Variants in KIAA1671 observed in about 807,000 individuals in gnomAD.
KIAA1671 encodes uncharacterized protein KIAA1671.
A neutral mutation model predicts 131.2 loss-of-function variants in KIAA1671; 52 were observed. That is an observed-to-expected ratio of 0.40 (90% CI 0.32 to 0.50). KIAA1671 has a LOEUF of 0.50. Ranked by LOEUF, KIAA1671 falls within the 20% of genes least tolerant of loss-of-function variation. The probability of loss-of-function intolerance (pLI) is 0.73; values close to 1 mark genes in which losing one functional copy is unlikely to be tolerated. For synonymous variants in KIAA1671, 1,003 were observed against 961.6 expected, an observed-to-expected ratio of 1.04 and a Z score of -0.80; for missense variants, 2,360 against 2,364.2, an observed-to-expected ratio of 1.00 and a Z score of 0.04.
chr22:25,029,664 G>A (rs1926167622), intron 3 of KIAA1671, 124 bp downstream of exon 3: 2 of 698,722 alleles, frequency 2.9e-6, no homozygotes, highest in South Asian at 4.1e-5. Flanking sequence ...CCAAGAGGAG[G>A]TAGTGGCAGT....
At chr22:25,032,718 C>T (rs879027534) in intron 4 of KIAA1671, 22 bp downstream of exon 4, 30 of 1,475,630 alleles carry the variant, frequency 2.0e-5, no homozygotes, top group Middle Eastern at 1.7e-4. Context: ...CTGTGTAGCA[C>T]GTCTCTCATT....
At chr22:25,095,888 C>CAAGATAA (rs1930370728) in intron 6 of KIAA1671, among the ~76,000 whole-genome samples, 1 of 152,170 alleles carries the variant, frequency 6.6e-6, no homozygotes, top group African/African-American at 2.4e-5. Context: ...CTTCTGTAGC[C>CAAGATAA]AAGATAAAAA....
At chr22:25,063,448 G>A (rs1928287588) in intron 6 of KIAA1671, 1 of 152,162 alleles carries the variant, frequency 6.6e-6, no homozygotes, top group Non-Finnish European at 1.5e-5. Context: ...TCTGAGCGAA[G>A]TAACTCAGGA....
chr22:25,156,784 T>C (rs994174983), intron 6 of KIAA1671, among the ~76,000 whole-genome samples: 1 of 152,174 alleles, frequency 6.6e-6, no homozygotes, highest in Non-Finnish European at 1.5e-5. Context: ...CTTTGTGACA[T>C]TGGAATGTCA....
intron 6 of KIAA1671, among the ~76,000 whole-genome samples, chr22:25,135,094 C>T (rs1932614363): frequency 6.6e-6 from 1 of 152,184 alleles, no homozygotes; most frequent in Non-Finnish European, 1.5e-5. Context: ...ATCCCTGCCC[C>T]ATCTCATTTA....
chr22:25,028,797 A>G lies in KIAA1671; in HGVS notation c.798A>G (p.Lys266=). The G allele has an allele frequency of 6.4e-7, 1 of 1,551,256 alleles. No individual in the cohort carries two copies. Among genetic ancestry groups the G allele is most frequent in the South Asian group, 1.2e-5 (1 of 84,048 alleles). ...PGPGAAATVG[K]VPPTPPEKTW... Reference sequence around the variant, plus strand: ...CCGGCGCAGCGGCCACAGTGGGCAAAGTGCCACCCACCCCTCCCGAGAAGA... The same window carrying G: ...CCGGCGCAGCGGCCACAGTGGGCAAGGTGCCACCCACCCCTCCCGAGAAGA... Residue 266 remains lysine (K), a synonymous_variant, in exon 3 of 13, where the codon AAA becomes AAG. Coordinates refer to ENST00000358431, the MANE Select transcript of KIAA1671 (RefSeq NM_001145206.2).
intron 6 of KIAA1671, chr22:25,060,253 G>C (rs1180755711): frequency 6.6e-6 from 1 of 152,240 alleles, no homozygotes; most frequent in Non-Finnish European, 1.5e-5. Context: ...CATGGTCTTG[G>C]CTCACCGCAA....
intron 1 of KIAA1671, among the ~76,000 whole-genome samples, chr22:24,980,867 C>G (rs1431804872): frequency 6.6e-6 from 1 of 152,060 alleles, no homozygotes; most frequent in African/African-American, 2.4e-5. Flanking sequence ...CTGCCTCAGC[C>G]TCCTGAGTAG....
chr22:25,040,644 G>T lies in KIAA1671; in HGVS notation c.3514G>T (p.Asp1172Tyr). 1.9e-6 allele frequency: 3 copies of T among 1,551,998 alleles called. No individual in the cohort carries two copies. Among genetic ancestry groups the T allele is most frequent in the Non-Finnish European group, 2.6e-6 (3 of 1,147,068 alleles). ...CCCGACTCTGAGGAGTCGTCCAAAA[G>T]ATCTTCCTGTGAGAAGGAAGACTGA... is the stretch of plus-strand genomic sequence containing the variant. The part of the protein sequence containing the change: ...TTPTLRSRPK[D>Y]LPVRRKTDVI... Residue 1172 changes from aspartate to tyrosine, a missense_variant, in exon 5 of 13, where the codon GAT becomes TAT. By Grantham distance (160) the Asp-to-Tyr change is radical. Around this residue, in one of 3 missense-constraint regions of KIAA1671, gnomAD observed 1,161 missense variants for 1,204.7 expected, o/e 0.96. Transcript: ENST00000358431.
chr22:25,091,160 C>T (rs546100944), intron 6 of KIAA1671, among the ~76,000 whole-genome samples: 27 of 152,256 alleles, frequency 1.8e-4, no homozygotes, highest in Admixed American at 7.2e-4. Flanking sequence ...CATGTTCAAG[C>T]GATTCTCCTG....
chr22:24,969,356 A>G (rs1387137299), intron 1 of KIAA1671, among the ~76,000 whole-genome samples: 1 of 152,190 alleles, frequency 6.6e-6, no homozygotes. Context: ...TATCTTCTCA[A>G]ATACTTTAAA....
intron 1 of KIAA1671, among the ~76,000 whole-genome samples, chr22:24,994,092 A>G (rs1378201737): frequency 6.6e-6 from 1 of 152,030 alleles, no homozygotes; most frequent in Non-Finnish European, 1.5e-5. Flanking sequence ...CAGAAGAGAA[A>G]AAAAAAAATT....
At chr22:25,082,140 T>C (rs531280913) in intron 6 of KIAA1671, among the ~76,000 whole-genome samples, 2 of 152,176 alleles carry the variant, frequency 1.3e-5, no homozygotes, top group African/African-American at 2.4e-5. Flanking sequence ...AGTGGACATG[T>C]GGTTTCTGTG....
At position 25,068,773 on chromosome 22, in the gene KIAA1671, C is replaced by T. The variant is rs537678119; in HGVS notation, c.4530+19409C>T. Reference sequence around the variant, plus strand: ...ATTTAAGTGAGTTTCCTGTTAGATGCTCTGCCTGGTGTCCAGTGGTGAGGC... The same window carrying T: ...ATTTAAGTGAGTTTCCTGTTAGATGTTCTGCCTGGTGTCCAGTGGTGAGGC... On this transcript the variant is annotated intron_variant, in intron 6 of 12. Transcript: ENST00000358431. Among the ~76,000 whole-genome samples the T allele has an allele frequency of 6.6e-5, 10 of 152,300 alleles. No homozygotes were observed. The South Asian group carries it at 2.1e-3, about 32-fold the overall frequency.
At chr22:25,076,586 A>G (rs763049874) in intron 6 of KIAA1671, among the ~76,000 whole-genome samples, 18 of 152,138 alleles carry the variant, frequency 1.2e-4, no homozygotes, top group Non-Finnish European at 2.2e-4. Context: ...CTTTCAAACT[A>G]TTAGTAAGAA....
chr22:25,047,622 G>A (rs371581616), intron 5 of KIAA1671, among the ~76,000 whole-genome samples: 44 of 151,934 alleles, frequency 2.9e-4, no homozygotes, highest in African/African-American at 9.2e-4. Context: ...ACAGGCGCTC[G>A]CCACCATGCC....
chr22:25,165,335 A>G (rs1198392008), intron 6 of KIAA1671, among the ~76,000 whole-genome samples: 1 of 152,158 alleles, frequency 6.6e-6, no homozygotes, highest in Non-Finnish European at 1.5e-5. Flanking sequence ...AGCTCGTCCA[A>G]GGTCACATAG....
chr22:25,172,633 G>T (rs1338357726), intron 7 of KIAA1671, among the ~76,000 whole-genome samples: 3 of 152,226 alleles, frequency 2.0e-5, no homozygotes, highest in Non-Finnish European at 4.4e-5. Flanking sequence ...TGACCTGGAG[G>T]CTTTGCTAGG....
rs1278295605 is a variant in KIAA1671, at chr22:25,192,846, T to A, written c.*445T>A. ...GGGCAGGTCTTTTTTTGGAAGGACA[T>A]TTCCAAGGAAGATCAAACTGTTCAT... On this transcript the variant is annotated 3_prime_UTR_variant, in exon 13 of 13. Transcript: ENST00000358431. The A allele has an allele frequency of 1.3e-5, 2 of 152,094 alleles. No individual in the cohort carries two copies. Among genetic ancestry groups the A allele is most frequent in the Non-Finnish European group, 2.9e-5 (2 of 68,022 alleles). 9.4% of individuals were successfully genotyped at this position (152,094 alleles called of 1,614,324 possible). A position where few individuals can be genotyped will look rare whatever the true frequency, so the allele number is the denominator to read the frequency against.
Sources: allele counts gnomAD v4.1 joint callset (sites outside exome capture counted in the v4.1 genomes callset), GRCh38; gene constraint gnomAD v4.1.1; regional missense constraint gnomAD v4.1.1; transcripts MANE v1.5; gene names NCBI Gene and HGNC (gene_info 2026-07-23, HGNC 2026-07-21).